Variants in ARHGEF3 observed in about 807,000 individuals in gnomAD.
ARHGEF3 encodes 59.8 kDA protein.
In ARHGEF3, 28 loss-of-function variants were observed where a neutral mutation model predicts 63.2. The ratio of observed to expected loss-of-function variants is 0.44; its 90% CI spans 0.33 to 0.61. The LOEUF is 0.61. Among genes scored for constraint, ARHGEF3 ranks in the 20% least tolerant of loss-of-function variants. The pLI, the probability that ARHGEF3 is intolerant of heterozygous loss-of-function variation, is 0.03. For missense variants in ARHGEF3, 533 were observed against 659.3 expected, an observed-to-expected ratio of 0.81 and a Z score of 2.10; for synonymous variants, 266 against 254.2, an observed-to-expected ratio of 1.05 and a Z score of -0.44.
At chr3:56,856,089 G>A (rs796072161) in intron 4 of ARHGEF3, among the ~76,000 whole-genome samples, 49 of 152,306 alleles carry the variant, frequency 3.2e-4, no homozygotes, top group African/African-American at 1.2e-3. Context: ...GTGGGGCCAG[G>A]GGCCTGGCCA....
rs181350390 is a variant in ARHGEF3 at position 57,014,994 on chromosome 3, T to A, written c.62+20094A>T. The stretch of plus-strand genomic sequence containing the variant: ...GCCACTGTGCCCGGCCAAAGCTTGT[T>A]AACTTTTTTCATGTACTTTTTTTTT... On this transcript the variant is annotated intron_variant, in intron 2 of 12. Coordinates refer to the ARHGEF3 transcript ENST00000338458. 1.3e-4 allele frequency among the ~76,000 whole-genome samples: 19 copies of A among 151,998 alleles called. 1 individual carries two copies. Among genetic ancestry groups the A allele is most frequent in the African/African-American group, 4.6e-4 (19 of 41,492 alleles).
At chr3:56,785,278 G>A (rs1442703631) in intron 1 of ARHGEF3, among the ~76,000 whole-genome samples, 2 of 152,182 alleles carry the variant, frequency 1.3e-5, no homozygotes, top group South Asian at 2.1e-4. Flanking sequence ...CAAAACTAGC[G>A]GTGGTCTGGC....
chr3:56,910,075 T>C (rs2041815507), intron 3 of ARHGEF3, among the ~76,000 whole-genome samples: 1 of 152,212 alleles, frequency 6.6e-6, no homozygotes, highest in South Asian at 2.1e-4. Context: ...TTTGTTATTG[T>C]TTGCCACTGA....
At chr3:56,767,309 G>A (rs1017628347) in intron 2 of ARHGEF3, among the ~76,000 whole-genome samples, 1 of 151,910 alleles carries the variant, frequency 6.6e-6, no homozygotes, top group African/African-American at 2.4e-5. Flanking sequence ...GCGGCCGGGC[G>A]CGGTGGCTCA....
chr3:56,869,047 T>C (rs1233222593), intron 4 of ARHGEF3, among the ~76,000 whole-genome samples: 1 of 152,174 alleles, frequency 6.6e-6, no homozygotes, highest in Non-Finnish European at 1.5e-5. Flanking sequence ...ACCAGCAAAA[T>C]CGTCCCTTTC....
chr3:56,958,172 C>T (rs1378219891), intron 3 of ARHGEF3, among the ~76,000 whole-genome samples: 1 of 152,126 alleles, frequency 6.6e-6, no homozygotes, highest in South Asian at 2.1e-4. Flanking sequence ...CTTCATTGTA[C>T]ACTGGTTCCC....
At chr3:57,013,490 G>C (rs1702799828) in intron 2 of ARHGEF3, among the ~76,000 whole-genome samples, 1 of 152,088 alleles carries the variant, frequency 6.6e-6, no homozygotes, top group South Asian at 2.1e-4. Flanking sequence ...TGTCTAGCTA[G>C]AGGATTGTAA....
chr3:56,994,064 C>CAAAAAAAAAAA lies in ARHGEF3; in HGVS notation c.63-35186_63-35176dup, dbSNP rs60299557. Among the ~76,000 whole-genome samples the CAAAAAAAAAAA allele has an allele frequency of 2.5e-3, 149 of 59,726 alleles. 20 individuals carry two copies. Among genetic ancestry groups the CAAAAAAAAAAA allele is most frequent in the African/African-American group, 6.9e-3 (103 of 14,982 alleles). 39.2% of individuals were successfully genotyped at this position (59,726 alleles called of 152,430 possible). On this transcript the variant is annotated intron_variant, in intron 2 of 12. Coordinates refer to the ARHGEF3 transcript ENST00000338458. The stretch of plus-strand genomic sequence containing the variant: ...GGGCGACAAGAGTGAAACTTCGTCT[C>CAAAAAAAAAAA]AAAAAAAAAAAAAAAAAAAAAGCAC...
At chr3:56,992,375 TAAAAAAAAAAAAAAAAAAAAAAAAAAAAA>T (rs57740672) in intron 2 of ARHGEF3, among the ~76,000 whole-genome samples, 3 of 46,136 alleles carry the variant, frequency 6.5e-5, no homozygotes, top group African/African-American at 1.0e-4. Context: ...AGGATGGCTT[TAAAAAAAAAAAAAAAAAAAAAAAAAAAAA>T]AAAAAAAAAA....
chr3:56,918,041 A>C (rs539467101), intron 3 of ARHGEF3, among the ~76,000 whole-genome samples: 1 of 152,322 alleles, frequency 6.6e-6, no homozygotes, highest in East Asian at 1.9e-4. Flanking sequence ...CCCACAAAGC[A>C]AGCTGGTTAA....
chr3:56,797,248 C>T (rs920569397), intron 1 of ARHGEF3, among the ~76,000 whole-genome samples: 3 of 152,150 alleles, frequency 2.0e-5, no homozygotes, highest in African/African-American at 7.2e-5. Context: ...CTAGTCAATG[C>T]CCTTGAACAG....
At chr3:56,846,367 G>A in intron 4 of ARHGEF3, among the ~76,000 whole-genome samples, 1 of 152,156 alleles carries the variant, frequency 6.6e-6, no homozygotes, top group Middle Eastern at 3.2e-3. Context: ...CTCAGGGAGA[G>A]GTGTAGATCC....
intron 3 of ARHGEF3, among the ~76,000 whole-genome samples, chr3:56,957,934 A>G (rs986056117): frequency 2.6e-5 from 4 of 152,202 alleles, no homozygotes; most frequent in African/African-American, 9.7e-5. Context: ...TATTATTATT[A>G]TCATCACTAT....
At chr3:56,990,023 A>G (rs1159846266) in intron 2 of ARHGEF3, among the ~76,000 whole-genome samples, 1 of 152,196 alleles carries the variant, frequency 6.6e-6, no homozygotes, top group Non-Finnish European at 1.5e-5. Flanking sequence ...TAAAACAATG[A>G]CGCTACCCAG....
At chr3:56,775,177 G>T (rs2036226038) in intron 1 of ARHGEF3, 1 of 1,509,700 alleles carries the variant, frequency 6.6e-7, no homozygotes, top group African/African-American at 1.4e-5. Context: ...AGTTTCGAGG[G>T]TTAAGGCAGA....
intron 4 of ARHGEF3, among the ~76,000 whole-genome samples, chr3:56,820,278 T>C (rs1377122365): frequency 6.6e-6 from 1 of 152,220 alleles, no homozygotes. Flanking sequence ...GGATGTGCTG[T>C]GCCCTCAAAA....
At chr3:56,802,005 G>A (rs982404600), upstream of ARHGEF3, 32 of 1,459,340 alleles carry the variant, frequency 2.2e-5, no homozygotes, top group African/African-American at 4.0e-4. Flanking sequence ...TGGGTGGGGA[G>A]GGGGCGGGCC....
chr3:56,916,268 T>C (rs1222158036), intron 3 of ARHGEF3: 10 of 1,528,386 alleles, frequency 6.5e-6, no homozygotes, highest in Non-Finnish European at 8.7e-6. Context: ...GGGTGGGAGT[T>C]GAGAGCCGGC....
chr3:56,769,752 T>A (rs2107825229), intron 2 of ARHGEF3, among the ~76,000 whole-genome samples: 1 of 152,356 alleles, frequency 6.6e-6, no homozygotes, highest in South Asian at 2.1e-4. Context: ...TTATTTGGGC[T>A]TAAGTCATCT....
Sources: gnomAD v4.1 joint callset for allele counts (sites outside exome capture counted in the v4.1 genomes callset) on GRCh38, gnomAD v4.1.1 for gene constraint, MANE v1.5 for transcripts, NCBI Gene and HGNC (gene_info 2026-07-23, HGNC 2026-07-21) for gene names.